Variants in PRR33 observed in about 807,000 individuals in gnomAD.
The protein encoded by PRR33 is proline rich 33.
PRR33 carries 1 observed loss-of-function variant against 0.5 expected under a neutral mutation model. The ratio of observed to expected loss-of-function variants is 2.18; its 90% CI spans 0.77 to 10.34. The LOEUF (loss-of-function observed/expected upper bound fraction) is 10.34. Among genes scored for constraint, PRR33 ranks in the 30% most tolerant of loss-of-function variants. The pLI is 0.13. For missense variants in PRR33, 552 were observed against 251.8 expected (o/e 2.19, Z -8.07); for synonymous variants, 226 against 110.0 (o/e 2.06, Z -6.60).
the PRR33 span, among the ~76,000 whole-genome samples, chr11:1,914,388 G>A: frequency 6.6e-6 from 1 of 151,754 alleles, no homozygotes; most frequent in Non-Finnish European, 1.5e-5. Flanking sequence ...GTGTGTGTGT[G>A]TTGTGTGTGG....
At chr11:1,910,246 G>A in the PRR33 span, among the ~76,000 whole-genome samples, 3 of 152,096 alleles carry the variant, frequency 2.0e-5, no homozygotes, top group Non-Finnish European at 4.4e-5. Context: ...GTCACTGGGC[G>A]CCATTGTGGT....
At chr11:1,910,123 T>C in the PRR33 span, among the ~76,000 whole-genome samples, 1 of 152,208 alleles carries the variant, frequency 6.6e-6, no homozygotes, top group African/African-American at 2.4e-5. Context: ...CTGTCCATTC[T>C]CCTCTTGGTG....
chr11:1,897,676 C>T, the PRR33 span, among the ~76,000 whole-genome samples: 229 of 152,304 alleles, frequency 1.5e-3, no homozygotes, highest in African/African-American at 5.1e-3. This position sits in a 1 kb window ranked among gnomAD's most constrained non-coding sequence, Gnocchi z 4.0. Context: ...AGGGCCTTGG[C>T]ACCACCCTCA....
chr11:1,914,445 GTGT>G, the PRR33 span, among the ~76,000 whole-genome samples: 1 of 151,018 alleles, frequency 6.6e-6, no homozygotes, highest in Non-Finnish European at 1.5e-5. Flanking sequence ...GTCTGTGTGT[GTGT>G]TGTTGGGTCA....
At chr11:1,899,983 G>A in the PRR33 span, among the ~76,000 whole-genome samples, 1 of 151,816 alleles carries the variant, frequency 6.6e-6, no homozygotes, top group African/African-American at 2.4e-5. Flanking sequence ...ACCAAACATT[G>A]GTCGTAAACC....
At chr11:1,917,175 G>C in the PRR33 span, among the ~76,000 whole-genome samples, 1 of 152,238 alleles carries the variant, frequency 6.6e-6, no homozygotes, top group East Asian at 1.9e-4. Context: ...CCACAGCTGG[G>C]CCGAGCGGCC....
At chr11:1,916,743 G>A in the PRR33 span, among the ~76,000 whole-genome samples, 1 of 152,120 alleles carries the variant, frequency 6.6e-6, no homozygotes, top group Non-Finnish European at 1.5e-5. Context: ...AAGGACCCAG[G>A]GCCTGTCCCT....
At chr11:1,889,556 C>T in the PRR33 span, 1 of 612,000 alleles carries the variant, frequency 1.6e-6, no homozygotes, top group East Asian at 2.8e-5. Context: ...GCTTCTTGAG[C>T]CACGTCCAGC....
At chr11:1,893,716 G>A (rs1849082147), upstream of PRR33, among the ~76,000 whole-genome samples, 1 of 150,468 alleles carries the variant, frequency 6.6e-6, no homozygotes, top group Non-Finnish European at 1.5e-5. Flanking sequence ...GATGAATGAA[G>A]GGATGGATGC....
At chr11:1,891,583 T>C (rs990123461) in exon 1 of PRR33, 8 of 152,364 alleles carry the variant, frequency 5.3e-5, no homozygotes, top group African/African-American at 1.9e-4. Context: ...AGGGCACAAG[T>C]GCTCGCACTG....
chr11:1,911,889 G>T, the PRR33 span, among the ~76,000 whole-genome samples: 1 of 151,202 alleles, frequency 6.6e-6, no homozygotes, highest in South Asian at 2.1e-4. Flanking sequence ...GGCCGGGAAT[G>T]GTGGGTCTCA....
the PRR33 span, among the ~76,000 whole-genome samples, chr11:1,912,538 C>G: frequency 5.9e-5 from 9 of 152,286 alleles, no homozygotes; most frequent in African/African-American, 1.7e-4. Flanking sequence ...GTGTCTCTTC[C>G]TCTTTCTACT....
chr11:1,905,392 G>A, the PRR33 span, among the ~76,000 whole-genome samples: 1 of 148,798 alleles, frequency 6.7e-6, no homozygotes, highest in Non-Finnish European at 1.5e-5. Flanking sequence ...CTCCCAAAGT[G>A]CTGGGATTAC....
the PRR33 span, among the ~76,000 whole-genome samples, chr11:1,908,727 T>G: frequency 6.6e-6 from 1 of 152,234 alleles, no homozygotes; most frequent in Non-Finnish European, 1.5e-5. Context: ...CCTAGGAATG[T>G]GCTGTTTTGG....
At chr11:1,905,438 T>C in the PRR33 span, among the ~76,000 whole-genome samples, 1 of 141,116 alleles carries the variant, frequency 7.1e-6, no homozygotes, top group Non-Finnish European at 1.5e-5. Context: ...TCTCTCTTTT[T>C]TTTTTTTTTT....
At chr11:1,896,085 C>G (rs1438053706), upstream of PRR33, among the ~76,000 whole-genome samples, 1 of 152,176 alleles carries the variant, frequency 6.6e-6, no homozygotes, top group East Asian at 1.9e-4. Flanking sequence ...ATTTTTACAC[C>G]AGTATCACTC....
chr11:1,907,688 A>ACAAGC, the PRR33 span: 1 of 152,038 alleles, frequency 6.6e-6, no homozygotes, highest in Admixed American at 6.5e-5. Flanking sequence ...TGCTGGGATA[A>ACAAGC]CAAGCGTGAG....
chr11:1,895,208 C>T (rs1346031878), upstream of PRR33, among the ~76,000 whole-genome samples: 1 of 152,102 alleles, frequency 6.6e-6, no homozygotes, highest in African/African-American at 2.4e-5. Flanking sequence ...TCTTGGCCCA[C>T]TGCAACCTCC....
chr11:1,905,987 G>GT, the PRR33 span, among the ~76,000 whole-genome samples: 8 of 148,068 alleles, frequency 5.4e-5, no homozygotes, highest in East Asian at 8.0e-4. Flanking sequence ...CCCAGCTAAA[G>GT]TATTTTTTTT....
Sources: allele counts gnomAD v4.1 joint callset (sites outside exome capture counted in the v4.1 genomes callset), GRCh38; gene constraint gnomAD v4.1.1; non-coding constraint Gnocchi (gnomAD v3.1); transcripts MANE v1.5; gene names NCBI Gene and HGNC (gene_info 2026-07-23, HGNC 2026-07-21).